GIPC2: variants seen among roughly 807,000 people sequenced by gnomAD.
GIPC2 encodes the protein GIPC PDZ domain containing family member 2.
Under a neutral mutation model 30.6 loss-of-function variants are expected in GIPC2, and 30 were observed. That is an observed-to-expected ratio of 0.98 (90% CI 0.73 to 1.33). The LOEUF (loss-of-function observed/expected upper bound fraction) is 1.33. Ranked by LOEUF, GIPC2 falls within the 40% of genes most tolerant of loss-of-function variation. GIPC2 has a pLI of 0.00. For missense variants in GIPC2, 414 were observed against 390.3 expected (o/e 1.06, Z -0.51); for synonymous variants, 167 against 150.0 (o/e 1.11, Z -0.83).
chr1:78,106,537 G>A (rs568766029), intron 3 of GIPC2, among the ~76,000 whole-genome samples: 1 of 152,198 alleles, frequency 6.6e-6, no homozygotes, highest in African/African-American at 2.4e-5. Flanking sequence ...TCCAGCCTGG[G>A]CAACAGAGCA....
chr1:78,092,390 C>T (rs936013968), intron 2 of GIPC2, among the ~76,000 whole-genome samples: 1 of 152,160 alleles, frequency 6.6e-6, no homozygotes, highest in East Asian at 1.9e-4. Context: ...AATAAATCTT[C>T]TCTACCTTTT....
At chr1:78,101,249 C>T (rs116827354) in intron 3 of GIPC2, among the ~76,000 whole-genome samples, 31 of 152,206 alleles carry the variant, frequency 2.0e-4, no homozygotes, top group African/African-American at 6.3e-4. Context: ...ACTTGTCCCA[C>T]GAGCAGATGT....
intron 1 of GIPC2, among the ~76,000 whole-genome samples, chr1:78,067,465 T>C (rs957957154): frequency 2.0e-5 from 3 of 152,172 alleles, no homozygotes; most frequent in Non-Finnish European, 4.4e-5. Flanking sequence ...TTCTTTCTTT[T>C]TTTTGAGATG....
In GIPC2 at chr1:78,119,327, C is replaced by T. The variant is rs1235028507; in HGVS notation, c.608-66C>T. 10 of 849,970 alleles carry T rather than the reference C, an allele frequency of 1.2e-5. No individual in the cohort carries two copies. In the East Asian group the frequency reaches 2.5e-4, roughly 21 times the overall value. 52.7% of individuals were successfully genotyped at this position (849,970 alleles called of 1,614,324 possible). A position where few individuals can be genotyped will look rare whatever the true frequency, so the allele number is the denominator to read the frequency against. On this transcript the variant is annotated intron_variant, in intron 3 of 5. Transcript: ENST00000370759. The stretch of plus-strand genomic sequence containing the variant: ...AGTTTTGTGATAGAAACTACATTAG[C>T]CTTCACAGTAATCTGTTGGGATGCT...
chr1:78,081,037 T>C (rs1319664619), intron 2 of GIPC2, among the ~76,000 whole-genome samples, 177 bp downstream of exon 2: 1 of 152,194 alleles, frequency 6.6e-6, no homozygotes, highest in Non-Finnish European at 1.5e-5. Flanking sequence ...GTGTTTACTA[T>C]TTTCTTAATT....
chr1:78,084,311 C>T (rs754885377), intron 2 of GIPC2, among the ~76,000 whole-genome samples: 31 of 152,078 alleles, frequency 2.0e-4, no homozygotes, highest in East Asian at 3.9e-4. Flanking sequence ...GCCAGGAGTT[C>T]GAGACCAACC....
chr1:78,122,498 AAG>A (rs1662700257), intron 4 of GIPC2, among the ~76,000 whole-genome samples: 1 of 152,210 alleles, frequency 6.6e-6, no homozygotes, highest in Admixed American at 6.5e-5. Flanking sequence ...GTCATGGCAG[AAG>A]GTGAAGGGGA....
At chr1:78,109,341 C>T (rs368214554) in intron 3 of GIPC2, among the ~76,000 whole-genome samples, 33 of 152,268 alleles carry the variant, frequency 2.2e-4, no homozygotes, top group African/African-American at 5.5e-4. Flanking sequence ...TCCCCTGATC[C>T]GCAGTGATCC....
chr1:78,066,148 G>A (rs540268319), intron 1 of GIPC2, among the ~76,000 whole-genome samples: 1 of 152,120 alleles, frequency 6.6e-6, no homozygotes, highest in East Asian at 1.9e-4. Context: ...CTAGGCATCT[G>A]AAAAAGGTCT....
At chr1:78,122,985 T>A (rs1392939206) in intron 4 of GIPC2, among the ~76,000 whole-genome samples, 1 of 151,916 alleles carries the variant, frequency 6.6e-6, no homozygotes, top group Non-Finnish European at 1.5e-5. Context: ...GAAGGCTGGG[T>A]GCAGTAGCTC....
chr1:78,056,555 C>T (rs1446349285), intron 1 of GIPC2, among the ~76,000 whole-genome samples: 2 of 152,322 alleles, frequency 1.3e-5, no homozygotes, highest in African/African-American at 4.8e-5. Flanking sequence ...TCCATGTGCC[C>T]AGCTTCGACA....
chr1:78,072,599 T>A (rs1304606647), intron 1 of GIPC2, among the ~76,000 whole-genome samples: 1 of 152,210 alleles, frequency 6.6e-6, no homozygotes, highest in East Asian at 1.9e-4. Context: ...TCAGGTTGTT[T>A]TTAATTCCTA....
intron 3 of GIPC2, among the ~76,000 whole-genome samples, chr1:78,098,537 C>T (rs1343412303): frequency 1.3e-5 from 2 of 152,122 alleles, no homozygotes; most frequent in Non-Finnish European, 2.9e-5. Flanking sequence ...TTCAGGTACT[C>T]TGTGTGGCAT....
rs763574753 is a variant in GIPC2, at chr1:78,046,323, T to A, written c.229T>A (p.Ser77Thr). 1.2e-6 allele frequency: 2 copies of A among 1,610,716 alleles called. No homozygotes were observed. The highest frequency in any genetic ancestry group is 2.2e-5 in the South Asian group (2 of 90,860). The change falls in exon 1 of 6, where the codon TCG becomes ACG. Residue 77 changes from serine to threonine, a missense_variant. Coordinates refer to ENST00000370759, the MANE Select transcript of GIPC2 (RefSeq NM_017655.6). The stretch of plus-strand genomic sequence containing the variant: ...CCAGATCGCGGGCGCGTTTGAAATC[T>A]CGCCGTCGGAGGTAAGGCGCCAGGT... ...YAQIAGAFEISPSEILYCTLN... is the reference protein window; with the variant it reads ...YAQIAGAFEITPSEILYCTLN...
chr1:78,052,460 T>A (rs1337839004), intron 1 of GIPC2, among the ~76,000 whole-genome samples: 1 of 152,218 alleles, frequency 6.6e-6, no homozygotes, highest in Non-Finnish European at 1.5e-5. Context: ...ACCAATTCAG[T>A]AGTTAAAACC....
intron 1 of GIPC2, among the ~76,000 whole-genome samples, chr1:78,055,380 G>A (rs1661269873): frequency 6.6e-6 from 1 of 152,142 alleles, no homozygotes; most frequent in Non-Finnish European, 1.5e-5. Flanking sequence ...AAAATGTATA[G>A]GGAGGTAAGG....
intron 1 of GIPC2, among the ~76,000 whole-genome samples, chr1:78,074,428 G>A (rs566770130): frequency 1.3e-5 from 2 of 152,052 alleles, no homozygotes; most frequent in South Asian, 4.2e-4. Context: ...TCGCTGAGGC[G>A]ACTAGGCTGG....
chr1:78,073,555 C>T (rs1661661931), intron 1 of GIPC2, among the ~76,000 whole-genome samples: 1 of 152,152 alleles, frequency 6.6e-6, no homozygotes, highest in South Asian at 2.1e-4. Context: ...TTTAAAATCA[C>T]ATATACAAAT....
chr1:78,054,274 T>G (rs1661249240), intron 1 of GIPC2, among the ~76,000 whole-genome samples: 1 of 152,250 alleles, frequency 6.6e-6, no homozygotes, highest in Non-Finnish European at 1.5e-5. Flanking sequence ...TGTTTCTTCC[T>G]GAGGGCTGGG....
Sources: allele counts gnomAD v4.1 joint callset (sites outside exome capture counted in the v4.1 genomes callset), GRCh38; gene constraint gnomAD v4.1.1; transcripts MANE v1.5; gene names NCBI Gene and HGNC (gene_info 2026-07-23, HGNC 2026-07-21).